The following AMMECR1 variants were observed in gnomAD, a reference collection of about 807,000 sequenced individuals.
AMMECR1 encodes AMMECR nuclear protein 1.
Under a neutral mutation model 22.5 loss-of-function variants are expected in AMMECR1, and 3 were observed. The observed-to-expected ratio is 0.13, with a 90% CI of 0.06 to 0.35. AMMECR1 has a LOEUF of 0.35. Among genes scored for constraint, AMMECR1 ranks in the 10% least tolerant of loss-of-function variants. The probability of loss-of-function intolerance (pLI) is 1.00; values close to 1 mark genes in which losing one functional copy is unlikely to be tolerated. For synonymous variants in AMMECR1, 130 were observed against 116.7 expected, an observed-to-expected ratio of 1.11 and a Z score of -0.74; for missense variants, 235 against 278.7, an observed-to-expected ratio of 0.84 and a Z score of 1.12.
chrX:110,312,444 A>T (rs1327339657), intron 1 of AMMECR1, among the ~76,000 whole-genome samples: 1 of 112,238 alleles, frequency 8.9e-6, no homozygotes, highest in Non-Finnish European at 1.9e-5. Context: ...AGATTTCAGC[A>T]GAGATTCCTA....
At chrX:110,224,104 G>T (rs1352000682) in intron 2 of AMMECR1, among the ~76,000 whole-genome samples, 1 of 111,468 alleles carries the variant, frequency 9.0e-6, no homozygotes, top group African/African-American at 3.3e-5. Flanking sequence ...TTGATCATCC[G>T]TCTGTCCACA....
intron 3 of AMMECR1, among the ~76,000 whole-genome samples, chrX:110,210,724 G>A (rs1276552825): frequency 8.9e-6 from 1 of 112,200 alleles, no homozygotes; most frequent in Non-Finnish European, 1.9e-5. Context: ...AACTGAACAC[G>A]TCAGAATTGA....
intron 1 of AMMECR1, among the ~76,000 whole-genome samples, chrX:110,297,018 T>C (rs1229715644): frequency 9.0e-6 from 1 of 111,637 alleles, no homozygotes; most frequent in Non-Finnish European, 1.9e-5. Context: ...TAAAGTTTAT[T>C]GTTATTGTTT....
At chrX:110,433,527 C>G (rs1436625650) in intron 1 of AMMECR1, among the ~76,000 whole-genome samples, 1 of 111,472 alleles carries the variant, frequency 9.0e-6, no homozygotes, top group Non-Finnish European at 1.9e-5. Flanking sequence ...CTAATAAACA[C>G]CAGGCACATT....
intron 2 of AMMECR1, among the ~76,000 whole-genome samples, chrX:110,238,377 T>C (rs1424101615): frequency 8.9e-6 from 1 of 111,747 alleles, no homozygotes; most frequent in Non-Finnish European, 1.9e-5. Flanking sequence ...GAATCAGAAA[T>C]ATAGCTCAAG....
intron 2 of AMMECR1, among the ~76,000 whole-genome samples, chrX:110,396,422 A>G (rs1235728153): frequency 3.7e-5 from 4 of 109,519 alleles, no homozygotes; most frequent in Non-Finnish European, 7.6e-5. Flanking sequence ...TTTATATACA[A>G]TGACGAAATT....
At chrX:110,255,645 T>C (rs763317187) in intron 2 of AMMECR1, among the ~76,000 whole-genome samples, 8 of 111,829 alleles carry the variant, frequency 7.2e-5, no homozygotes, top group African/African-American at 2.3e-4. Flanking sequence ...GGGCAATCCC[T>C]TTAATTAAAG....
intron 2 of AMMECR1, among the ~76,000 whole-genome samples, chrX:110,417,829 G>A (rs138322352): frequency 8.6e-4 from 97 of 112,622 alleles, no homozygotes; most frequent in Middle Eastern, 4.6e-3. Context: ...TGAGGCTGAT[G>A]TTGTTATCCC....
Position 110,197,628 on chromosome X carries a change from A to G in AMMECR1, c.*892T>C, listed in dbSNP as rs2067377099. On this transcript the variant is annotated 3_prime_UTR_variant, in exon 6 of 6. Coordinates refer to ENST00000262844, the MANE Select transcript of AMMECR1 (RefSeq NM_015365.3). ...CTTTTTTCTAACCCCTCTTAATTCC[A>G]CTTAATTATATTCTTCTCAAAGGCA... 9.0e-6 allele frequency: 1 copy of G among 111,550 alleles called. No individual in the cohort carries two copies. The highest frequency in any genetic ancestry group is 3.3e-5 in the African/African-American group (1 of 30,719). The allele number at this position is 111,550 out of a possible 1,213,427, so 9.2% of individuals were successfully genotyped here. A position where few individuals can be genotyped will look rare whatever the true frequency, so the allele number is the denominator to read the frequency against.
chrX:110,260,739 A>G (rs1201672777), intron 2 of AMMECR1, among the ~76,000 whole-genome samples: 1 of 111,520 alleles, frequency 9.0e-6, no homozygotes, highest in African/African-American at 3.3e-5. Flanking sequence ...TTGTGCACCT[A>G]TGTTCATCGC....
In AMMECR1 at chrX:110,275,420, A is replaced by G. The variant is rs774641157; in HGVS notation, c.474-10821T>C. 3.6e-5 allele frequency among the ~76,000 whole-genome samples: 4 copies of G among 111,232 alleles called. No individual in the cohort carries two copies. In the South Asian group the frequency reaches 1.1e-3, roughly 32 times the overall value. ...AGACGTCATTCCATTGTCTTCTGGA[A>G]GCTTCCATTGTTTCTGATGAGAAGT... is the stretch of plus-strand genomic sequence containing the variant. On this transcript the variant is annotated intron_variant, in intron 1 of 5. Transcript: ENST00000262844.
chrX:110,435,919 T>C (rs937081436), intron 1 of AMMECR1, among the ~76,000 whole-genome samples: 2 of 112,521 alleles, frequency 1.8e-5, no homozygotes, highest in Non-Finnish European at 3.8e-5. Context: ...GAGGTATTAT[T>C]ACTGTCTCCA....
intron 2 of AMMECR1, among the ~76,000 whole-genome samples, chrX:110,414,495 T>C (rs913863704): frequency 8.9e-6 from 1 of 112,928 alleles, no homozygotes; most frequent in Non-Finnish European, 1.9e-5. Flanking sequence ...TTGCATGCAG[T>C]GTTTCATTTA....
At chrX:110,433,574 A>C (rs2068814523) in intron 1 of AMMECR1, among the ~76,000 whole-genome samples, 1 of 111,867 alleles carries the variant, frequency 8.9e-6, no homozygotes, top group Non-Finnish European at 1.9e-5. Context: ...CATTTGTATT[A>C]TGCTTATCAT....
intron 3 of AMMECR1, among the ~76,000 whole-genome samples, chrX:110,209,666 A>G (rs748971377): frequency 1.8e-5 from 2 of 111,604 alleles, no homozygotes; most frequent in Non-Finnish European, 3.8e-5. Flanking sequence ...ACAATGAAAC[A>G]GAAGCCATCT....
In AMMECR1 at chrX:110,272,667, C is replaced by T. The variant is rs759734166; in HGVS notation, c.474-8068G>A. On this transcript the variant is annotated intron_variant, in intron 1 of 5. Transcript: ENST00000262844. ...TTTTCAACTCTCACTCCCCTCTCAC[C>T]CTTCCCACTTTTGGAGTCTCCAGTG... 4.8e-4 allele frequency among the ~76,000 whole-genome samples: 54 copies of T among 111,726 alleles called. No individual in the cohort carries two copies. The Admixed American group carries it at 4.9e-3, about 10-fold the overall frequency.
At chrX:110,295,832 C>G (rs749114111) in intron 1 of AMMECR1, among the ~76,000 whole-genome samples, 1 of 111,559 alleles carries the variant, frequency 9.0e-6, no homozygotes, top group African/African-American at 3.3e-5. Flanking sequence ...GCTCTATTCC[C>G]TCCCTCCCCC....
At chrX:110,267,290 T>C (rs1244201475) in intron 1 of AMMECR1, among the ~76,000 whole-genome samples, 1 of 111,236 alleles carries the variant, frequency 9.0e-6, no homozygotes, top group Non-Finnish European at 1.9e-5. Context: ...GTTGAACTAA[T>C]TTACACTCCC....
intron 2 of AMMECR1, among the ~76,000 whole-genome samples, chrX:110,353,923 G>T (rs950082371): frequency 1.8e-4 from 20 of 111,950 alleles, no homozygotes; most frequent in Non-Finnish European, 3.4e-4. Context: ...ATTTATAATT[G>T]CATCAAAAAA....
Sources: allele counts gnomAD v4.1 joint callset (sites outside exome capture counted in the v4.1 genomes callset), GRCh38; gene constraint gnomAD v4.1.1; transcripts MANE v1.5; gene names NCBI Gene and HGNC (gene_info 2026-07-23, HGNC 2026-07-21).